Variants in RPS6KA2 observed in about 807,000 individuals in gnomAD.
RPS6KA2 encodes ribosomal protein S6 kinase alpha-2.
A neutral mutation model predicts 91.8 loss-of-function variants in RPS6KA2; 42 were observed. That is an observed-to-expected ratio of 0.46 (90% confidence interval 0.36 to 0.59). The LOEUF (loss-of-function observed/expected upper bound fraction) is 0.59. RPS6KA2 is among the 20% of genes least tolerant of loss of function. The probability of loss-of-function intolerance (pLI) is 0.00; values close to 1 mark genes in which losing one functional copy is unlikely to be tolerated. For missense variants in RPS6KA2, 798 were observed against 978.5 expected (o/e 0.82, Z 2.46); for synonymous variants, 414 against 393.6 (o/e 1.05, Z -0.61).
intron 2 of RPS6KA2, among the ~76,000 whole-genome samples, chr6:166,827,512 A>G (rs1024769324): frequency 2.0e-5 from 3 of 152,184 alleles, no homozygotes; most frequent in African/African-American, 7.2e-5. Flanking sequence ...TGGCACATGT[A>G]TTCCCATTGC....
chr6:166,415,164 TAAC>T (rs770088917), intron 19 of RPS6KA2, among the ~76,000 whole-genome samples: 4 of 151,994 alleles, frequency 2.6e-5, no homozygotes, highest in Non-Finnish European at 5.9e-5. Flanking sequence ...CTATGCACAA[TAAC>T]AATATCTTTT....
intron 1 of RPS6KA2, among the ~76,000 whole-genome samples, chr6:166,559,403 G>A (rs1237106553): frequency 2.0e-5 from 3 of 152,278 alleles, no homozygotes; most frequent in South Asian, 2.1e-4. Context: ...AGCCAAACAC[G>A]CAAACCTTCC....
chr6:166,635,950 G>A lies in RPS6KA2; in HGVS notation c.124-97166C>T, dbSNP rs770139406. Among the ~76,000 whole-genome samples the A allele has an allele frequency of 2.6e-5, 4 of 152,160 alleles. No individual in the cohort carries two copies. The highest frequency in any genetic ancestry group is 5.9e-5 in the Non-Finnish European group (4 of 68,038). The stretch of plus-strand genomic sequence containing the variant: ...AGGGTGGTCACCTGCTAGCTTGGCC[G>A]CCCATGGCCATTCCACATAAATCCA... On this transcript the variant is annotated intron_variant, in intron 2 of 21. Coordinates refer to the RPS6KA2 transcript ENST00000503859. This position sits in a 1 kb window ranked among gnomAD's most constrained non-coding sequence, Gnocchi z 4.8.
At chr6:166,797,526 A>C (rs1052192426) in intron 2 of RPS6KA2, among the ~76,000 whole-genome samples, 1 of 152,200 alleles carries the variant, frequency 6.6e-6, no homozygotes, top group Non-Finnish European at 1.5e-5. Context: ...GTATTCTCAC[A>C]ATAGGGTAAC....
At chr6:166,438,149 A>G (rs553584623) in intron 14 of RPS6KA2, among the ~76,000 whole-genome samples, 7 of 152,386 alleles carry the variant, frequency 4.6e-5, no homozygotes, top group African/African-American at 1.7e-4. Context: ...AAATTAATTT[A>G]AACTAATGAC....
At chr6:166,634,453 C>T (rs1787173054) in intron 2 of RPS6KA2, among the ~76,000 whole-genome samples, 1 of 152,162 alleles carries the variant, frequency 6.6e-6, no homozygotes, top group South Asian at 2.1e-4. Context: ...AAATCAAAAT[C>T]GAAATCGAAA....
chr6:166,644,659 C>T (rs1043535945), intron 2 of RPS6KA2, among the ~76,000 whole-genome samples: 2 of 152,196 alleles, frequency 1.3e-5, no homozygotes, highest in African/African-American at 2.4e-5. Context: ...AAATTACAGC[C>T]TAGGGGTTTG....
At chr6:166,772,767 C>T (rs769489019) in intron 2 of RPS6KA2, among the ~76,000 whole-genome samples, 7 of 152,170 alleles carry the variant, frequency 4.6e-5, no homozygotes, top group African/African-American at 9.7e-5. Flanking sequence ...CCAGGGTATG[C>T]GGTGCTTGGG....
intron 14 of RPS6KA2, among the ~76,000 whole-genome samples, chr6:166,442,159 T>G (rs1718193526): frequency 6.6e-6 from 1 of 152,260 alleles, no homozygotes; most frequent in Non-Finnish European, 1.5e-5. Context: ...AATGGATTTT[T>G]CTTGCAGGTC....
intron 12 of RPS6KA2, among the ~76,000 whole-genome samples, chr6:166,451,623 T>A (rs1001732707): frequency 1.3e-5 from 2 of 152,202 alleles, no homozygotes; most frequent in African/African-American, 4.8e-5. Context: ...CAGGATGGAA[T>A]TGTCAGTGAA....
At position 166,705,247 on chromosome 6, in the gene RPS6KA2, G is replaced by A. The variant is rs117341236; in HGVS notation, c.123+152953C>T. 1.6e-4 allele frequency among the ~76,000 whole-genome samples: 25 copies of A among 152,298 alleles called. No individual in the cohort carries two copies. The East Asian group carries it at 2.5e-3, about 15-fold the overall frequency. Reference sequence around the variant, plus strand: ...CCAAGAGCAAGGCGCCAGCTGGGACGTTTCCCATACCCAATCTATCATCAT... The same window carrying A: ...CCAAGAGCAAGGCGCCAGCTGGGACATTTCCCATACCCAATCTATCATCAT... On this transcript the variant is annotated intron_variant, in intron 2 of 21. Transcript: ENST00000503859.
At chr6:166,710,314 A>C (rs1254567750) in intron 2 of RPS6KA2, among the ~76,000 whole-genome samples, 1 of 152,248 alleles carries the variant, frequency 6.6e-6, no homozygotes, top group Non-Finnish European at 1.5e-5. Context: ...TATATTGGAC[A>C]GATCATCCTC....
Position 166,697,683 on chromosome 6 carries a change from C to T in RPS6KA2, c.124-158899G>A, listed in dbSNP as rs147790940. Among the ~76,000 whole-genome samples, 399 of 152,272 alleles carry T rather than the reference C, an allele frequency of 2.6e-3. 1 individual carries two copies. The highest frequency in any genetic ancestry group is 3.9e-3 in the Non-Finnish European group (264 of 68,030). On this transcript the variant is annotated intron_variant, in intron 2 of 21. Coordinates refer to the RPS6KA2 transcript ENST00000503859. ...CAGCCTGGACTGTTCAGCTGTGGGCCGGATCCCAGAAGGGAGGCTAATATC... is the reference window on the plus strand; with the variant it reads ...CAGCCTGGACTGTTCAGCTGTGGGCTGGATCCCAGAAGGGAGGCTAATATC...
At chr6:166,762,611 C>T (rs1331082956) in intron 2 of RPS6KA2, among the ~76,000 whole-genome samples, 2 of 152,190 alleles carry the variant, frequency 1.3e-5, no homozygotes, top group East Asian at 1.9e-4. Flanking sequence ...ACCTGCTGTG[C>T]ACCACGGTCC....
chr6:166,461,054 G>A (rs763634666), intron 11 of RPS6KA2, among the ~76,000 whole-genome samples: 1 of 152,064 alleles, frequency 6.6e-6, no homozygotes, highest in South Asian at 2.1e-4. Context: ...TACTGCAGGA[G>A]GGCGAGGTGC....
At chr6:166,858,663 C>T (rs1244588669) in intron 1 of RPS6KA2, among the ~76,000 whole-genome samples, 1 of 152,236 alleles carries the variant, frequency 6.6e-6, no homozygotes, top group Non-Finnish European at 1.5e-5. Flanking sequence ...GCATGTGTGA[C>T]CACTCCCATG....
chr6:166,606,421 A>G (rs1356602620), intron 1 of RPS6KA2, among the ~76,000 whole-genome samples: 1 of 152,226 alleles, frequency 6.6e-6, no homozygotes, highest in East Asian at 1.9e-4. Flanking sequence ...ACAACTCCCT[A>G]TTGGAAATGT....
At chr6:166,840,798 C>T (rs988842535) in intron 2 of RPS6KA2, among the ~76,000 whole-genome samples, 1 of 151,930 alleles carries the variant, frequency 6.6e-6, no homozygotes, top group Non-Finnish European at 1.5e-5. Flanking sequence ...ACTGTCACTA[C>T]TAAAAATACA....
intron 2 of RPS6KA2, among the ~76,000 whole-genome samples, chr6:166,535,852 G>T (rs900280420): frequency 2.0e-5 from 3 of 152,266 alleles, no homozygotes; most frequent in African/African-American, 7.2e-5. Flanking sequence ...ATGAAATCAT[G>T]ATGGCTTCGC....
Sources: allele counts gnomAD v4.1 joint callset (sites outside exome capture counted in the v4.1 genomes callset), GRCh38; gene constraint gnomAD v4.1.1; non-coding constraint Gnocchi (gnomAD v3.1); transcripts MANE v1.5; gene names NCBI Gene and HGNC (gene_info 2026-07-23, HGNC 2026-07-21).